Variants in ZNF343 observed in about 807,000 individuals in gnomAD.
The protein encoded by ZNF343 is zinc finger protein 343.
In ZNF343, 11 loss-of-function variants were observed where a neutral mutation model predicts 13.8. The observed-to-expected ratio is 0.80, with a 90% CI of 0.50 to 1.32. The LOEUF is 1.32. ZNF343 is among the 40% of genes most tolerant of loss of function. The probability of loss-of-function intolerance (pLI) is 0.00; values close to 1 mark genes in which losing one functional copy is unlikely to be tolerated. For synonymous variants in ZNF343, 248 were observed against 260.0 expected, an observed-to-expected ratio of 0.95 and a Z score of 0.44; for missense variants, 658 against 714.2, an observed-to-expected ratio of 0.92 and a Z score of 0.90.
intron 1 of ZNF343, among the ~76,000 whole-genome samples, chr20:2,520,998 A>G (rs1198714714): frequency 6.6e-6 from 1 of 152,222 alleles, no homozygotes; most frequent in Non-Finnish European, 1.5e-5. Context: ...AATGAGTGGC[A>G]TGGATTTAGT....
At chr20:2,514,141 C>T (rs2085749685) in intron 1 of ZNF343, among the ~76,000 whole-genome samples, 1 of 152,040 alleles carries the variant, frequency 6.6e-6, no homozygotes, top group Non-Finnish European at 1.5e-5. Flanking sequence ...AAAATGAAAA[C>T]GTTCTGGAAT....
At chr20:2,523,804 C>T (rs1266093014) in intron 1 of ZNF343, among the ~76,000 whole-genome samples, 1 of 150,668 alleles carries the variant, frequency 6.6e-6, no homozygotes. Context: ...CCTCAGCCTC[C>T]CCAGTAGCTG....
intron 4 of ZNF343, 129 bp downstream of exon 4, chr20:2,493,390 A>G: frequency 1.2e-6 from 1 of 835,216 alleles, no homozygotes; most frequent in South Asian, 1.5e-5. Flanking sequence ...TTTTCAAGAA[A>G]GCCTAATGCT....
chr20:2,493,523 A>G lies in ZNF343; in HGVS notation c.173T>C (p.Ile58Thr). ...CPQKKEGKAQ[I>T]VVPVTFRDVT... ...AAAAATGTAACCCCAACTCACCACT[A>G]TTTGGGCCTTTCCCTCCTTTTTCTG... The change falls in exon 4 of 6, where the codon ATA (isoleucine) becomes ACA (threonine). Residue 58 changes from isoleucine (I) to threonine (T), a missense_variant. Transcript: ENST00000278772. 6.2e-7 allele frequency: 1 copy of G among 1,609,712 alleles called. No individual in the cohort carries two copies. The highest frequency in any genetic ancestry group is 2.2e-5 in the East Asian group (1 of 44,800).
chr20:2,513,115 A>G (rs1015839052), upstream of ZNF343, among the ~76,000 whole-genome samples: 1 of 152,044 alleles, frequency 6.6e-6, no homozygotes, highest in African/African-American at 2.4e-5. Context: ...AGAAATTGGA[A>G]TTTATCAAAA....
chr20:2,484,389 C>G lies in ZNF343; in HGVS notation c.572G>C (p.Arg191Thr). 6.2e-7 allele frequency: 1 copy of G among 1,614,182 alleles called. No homozygotes were observed. The highest frequency in any genetic ancestry group is 8.5e-7 in the Non-Finnish European group (1 of 1,180,028). Residue 191 changes from arginine to threonine, a missense_variant, in exon 6 of 6, where the codon AGG becomes ACG. Transcript: ENST00000278772. Reference sequence around the variant, plus strand: ...TCTTTGGAGTGGGCTGGGGAATGCCCTTGAGGTTTCTCTCTCCTCTGTCCT... The same window carrying G: ...TCTTTGGAGTGGGCTGGGGAATGCCGTTGAGGTTTCTCTCTCCTCTGTCCT... ...SARTEERETSRAFPSPLQRQS... is the reference protein window; with the variant it reads ...SARTEERETSTAFPSPLQRQS...
At chr20:2,519,753 G>A (rs969772411) in intron 1 of ZNF343, among the ~76,000 whole-genome samples, 1 of 152,132 alleles carries the variant, frequency 6.6e-6, no homozygotes, top group East Asian at 1.9e-4. Context: ...CATTTGAGAT[G>A]TTCCTGAACC....
At position 2,503,065 on chromosome 20, in the gene ZNF343, C is replaced by T. The variant is rs1339395656; in HGVS notation, c.-236-2323G>A. On this transcript the variant is annotated intron_variant, in intron 1 of 5. Transcript: ENST00000278772. ...CCATCAGTGTGCTGTATTCAGGAAACCTATCTCACATGTAGTGACATACAT... is the reference window on the plus strand; with the variant it reads ...CCATCAGTGTGCTGTATTCAGGAAATCTATCTCACATGTAGTGACATACAT... Among the ~76,000 whole-genome samples the T allele has an allele frequency of 3.9e-5, 6 of 152,274 alleles. No individual in the cohort carries two copies. In the East Asian group the frequency reaches 1.2e-3, roughly 29 times the overall value.
In ZNF343 at chr20:2,483,636, C is replaced by T; in HGVS notation, c.1325G>A (p.Cys442Tyr). The change falls in exon 6 of 6, where the codon TGT (cysteine) becomes TAT (tyrosine). Residue 442 changes from cysteine (C) to tyrosine (Y), a missense_variant. Physicochemically the swap from Cys to Tyr is radical, Grantham distance 194. Transcript: ENST00000278772. ...TGACTTGTCACAAAAGCCTCGCCCA[C>T]ACTCCCTGCAAACATAAGGCTTCTC... is the stretch of plus-strand genomic sequence containing the variant. The part of the protein sequence containing the change: ...LDEKPYVCRE[C>Y]GRGFCDKSTL... 1.2e-6 allele frequency: 2 copies of T among 1,613,614 alleles called. No individual in the cohort carries two copies. The highest frequency in any genetic ancestry group is 4.5e-5 in the East Asian group (2 of 44,852).
chr20:2,489,688 T>C (rs924025899), intron 5 of ZNF343, among the ~76,000 whole-genome samples: 3 of 152,236 alleles, frequency 2.0e-5, no homozygotes, highest in African/African-American at 7.2e-5. Flanking sequence ...GCATTTGCTA[T>C]TATAAGCCAC....
intron 1 of ZNF343, among the ~76,000 whole-genome samples, chr20:2,515,850 A>G (rs150187304): frequency 5.5e-4 from 83 of 152,236 alleles, no homozygotes; most frequent in Middle Eastern, 3.4e-3. Context: ...TACCAGAGTG[A>G]GCGTCACACA....
intron 1 of ZNF343, among the ~76,000 whole-genome samples, chr20:2,516,357 G>T (rs1053028582): frequency 8.6e-5 from 13 of 152,040 alleles, no homozygotes; most frequent in African/African-American, 3.1e-4. Flanking sequence ...TTAGGGTAAA[G>T]GTGGGGCCAG....
Position 2,508,419 on chromosome 20 carries a change from GA to G in ZNF343, c.-237+461del, listed in dbSNP as rs1230378284. Among the ~76,000 whole-genome samples, 1 of 151,944 alleles carries G rather than the reference GA, an allele frequency of 6.6e-6. No homozygotes were observed. The highest frequency in any genetic ancestry group is 1.5e-5 in the Non-Finnish European group (1 of 68,012). On this transcript the variant is annotated intron_variant, in intron 1 of 5. Transcript: ENST00000278772. The surrounding 1 kb of genome is among the most constrained non-coding windows in gnomAD (Gnocchi z 4.5). ...AAAAACTCGGTGATGCAGGACTCAA[GA>G]CGCTCCCCAGCCAAAAACCACCCAG...
intron 1 of ZNF343, among the ~76,000 whole-genome samples, chr20:2,504,781 A>C (rs7269409): frequency 0.12 from 18,365 of 152,176 alleles, 1,203 homozygotes; most frequent in East Asian, 0.17. Flanking sequence ...TCAATAAATG[A>C]GGTATTGATG....
At chr20:2,521,120 T>C (rs1392099284) in intron 1 of ZNF343, among the ~76,000 whole-genome samples, 5 of 152,218 alleles carry the variant, frequency 3.3e-5, no homozygotes, top group Non-Finnish European at 7.3e-5. Flanking sequence ...ATGTAGCCTC[T>C]GCTGAGGGAA....
chr20:2,509,688 A>T (rs576694427), upstream of ZNF343, among the ~76,000 whole-genome samples: 121 of 152,302 alleles, frequency 7.9e-4, no homozygotes, highest in African/African-American at 2.8e-3. Flanking sequence ...TATATATTTT[A>T]AAACTAATAA....
At chr20:2,521,124 G>A (rs1018745200) in intron 1 of ZNF343, among the ~76,000 whole-genome samples, 2 of 152,194 alleles carry the variant, frequency 1.3e-5, no homozygotes, top group African/African-American at 2.4e-5. Flanking sequence ...AGCCTCTGCT[G>A]AGGGAAATGA....
chr20:2,493,074 A>C, intron 4 of ZNF343: 1 of 526,406 alleles, frequency 1.9e-6, no homozygotes, highest in Non-Finnish European at 3.3e-6. Context: ...CGGAGAAATG[A>C]TTTGTGAATT....
chr20:2,501,153 G>A (rs2085558069), intron 1 of ZNF343, among the ~76,000 whole-genome samples: 1 of 152,242 alleles, frequency 6.6e-6, no homozygotes, highest in African/African-American at 2.4e-5. Flanking sequence ...GGCACACCAA[G>A]AGATTATATC....
Sources: allele counts gnomAD v4.1 joint callset (sites outside exome capture counted in the v4.1 genomes callset), GRCh38; gene constraint gnomAD v4.1.1; non-coding constraint Gnocchi (gnomAD v3.1); transcripts MANE v1.5; gene names NCBI Gene and HGNC (gene_info 2026-07-23, HGNC 2026-07-21).